Variants in CDK12 observed in about 807,000 individuals in gnomAD.
CDK12 encodes cyclin-dependent kinase 12.
CDK12 carries 17 observed loss-of-function variants against 133.8 expected under a neutral mutation model. The ratio of observed to expected loss-of-function variants is 0.13; its 90% CI spans 0.09 to 0.19. The LOEUF is 0.19. Among genes scored for constraint, CDK12 ranks in the 10% least tolerant of loss-of-function variants. The probability of loss-of-function intolerance (pLI) is 1.00; values close to 1 mark genes in which losing one functional copy is unlikely to be tolerated. For missense variants in CDK12, 1,508 were observed against 1,818.7 expected, an observed-to-expected ratio of 0.83 and a Z score of 3.11; for synonymous variants, 694 against 683.6, an observed-to-expected ratio of 1.02 and a Z score of -0.24.
chr17:39,515,379 GTTTA>G (rs879825285), intron 8 of CDK12, among the ~76,000 whole-genome samples: 28 of 152,236 alleles, frequency 1.8e-4, no homozygotes, highest in Admixed American at 9.8e-4. Flanking sequence ...GAGCATCCTT[GTTTA>G]TTTATTTTTT....
At chr17:39,509,788 G>A in intron 7 of CDK12, 27 bp downstream of exon 7, 1 of 1,543,386 alleles carries the variant, frequency 6.5e-7, no homozygotes, top group Non-Finnish European at 9.0e-7. Context: ...AATTACATGT[G>A]GGAAATAAGG....
At chr17:39,552,250 A>G (rs1187060784) in intron 2 of CDK12, among the ~76,000 whole-genome samples, 2 of 152,170 alleles carry the variant, frequency 1.3e-5, no homozygotes, top group African/African-American at 2.4e-5. Flanking sequence ...GCCTACTTCT[A>G]AGGGCCCCAG....
At chr17:39,492,993 G>A in intron 4 of CDK12, 103 bp downstream of exon 4, 1 of 958,744 alleles carries the variant, frequency 1.0e-6, no homozygotes, top group Non-Finnish European at 1.5e-6. Flanking sequence ...TGTTTTGTTT[G>A]TTTGTTTGTT....
chr17:39,539,026 CAG>C (rs1685991614), downstream of CDK12, among the ~76,000 whole-genome samples: 1 of 152,148 alleles, frequency 6.6e-6, no homozygotes, highest in Non-Finnish European at 1.5e-5. Flanking sequence ...TCTAACCACA[CAG>C]GGCTAAACTA....
At chr17:39,481,171 T>C (rs1248248499) in intron 2 of CDK12, among the ~76,000 whole-genome samples, 1 of 150,376 alleles carries the variant, frequency 6.6e-6, no homozygotes, top group East Asian at 2.0e-4. Context: ...GAGAATCCCT[T>C]GAACTCGGGG....
At chr17:39,484,892 C>A (rs576848294) in intron 2 of CDK12, among the ~76,000 whole-genome samples, 2 of 152,026 alleles carry the variant, frequency 1.3e-5, no homozygotes, top group Admixed American at 1.3e-4. Context: ...ACACTCAGGC[C>A]GGGTGCGGTG....
At chr17:39,496,877 C>T (rs2052157617) in intron 5 of CDK12, among the ~76,000 whole-genome samples, 1 of 146,346 alleles carries the variant, frequency 6.8e-6, no homozygotes, top group Non-Finnish European at 1.5e-5. Context: ...CAGTGGGTGT[C>T]CATCTCAGTG....
At chr17:39,526,386 T>A in intron 13 of CDK12, 70 bp downstream of exon 13, 1 of 1,202,874 alleles carries the variant, frequency 8.3e-7, no homozygotes, top group South Asian at 1.5e-5. Flanking sequence ...TCTCTTAACA[T>A]TTTTTTTCCC....
At chr17:39,539,720 TA>T (rs1433933444) in intron 1 of CDK12, among the ~76,000 whole-genome samples, 1 of 152,104 alleles carries the variant, frequency 6.6e-6, no homozygotes, top group Non-Finnish European at 1.5e-5. Context: ...GGTTGTAATA[TA>T]AAACTATTAT....
At chr17:39,484,232 T>A (rs1395792777) in intron 2 of CDK12, among the ~76,000 whole-genome samples, 1 of 152,216 alleles carries the variant, frequency 6.6e-6, no homozygotes, top group Non-Finnish European at 1.5e-5. Flanking sequence ...ACTATTCATA[T>A]TCTAAAAGTT....
chr17:39,494,567 A>T lies in CDK12; in HGVS notation c.2292A>T (p.Lys764Asn). The T allele has an allele frequency of 6.2e-7, 1 of 1,614,104 alleles. No homozygotes were observed. The highest frequency in any genetic ancestry group is 8.5e-7 in the Non-Finnish European group (1 of 1,179,958). ...AGAAGGTGAGACTAGACAATGAGAAAGAGGGCTTCCCAATCACAGCCATTC... is the reference window on the plus strand; with the variant it reads ...AGAAGGTGAGACTAGACAATGAGAATGAGGGCTTCCCAATCACAGCCATTC... Reference protein sequence around the residue: ...ALKKVRLDNEKEGFPITAIRE... With the variant: ...ALKKVRLDNENEGFPITAIRE... The change falls in exon 5 of 14, where the codon AAA (lysine) becomes AAT (asparagine). Residue 764 changes from lysine (K) to asparagine (N), a missense_variant. Physicochemically the swap from Lys to Asn is moderately conservative, Grantham distance 94 (BLOSUM62 0). Transcript: ENST00000447079.
At chr17:39,517,940 CCTG>C (rs1327377150) in intron 10 of CDK12, among the ~76,000 whole-genome samples, 1 of 151,076 alleles carries the variant, frequency 6.6e-6, no homozygotes, top group African/African-American at 2.4e-5. Flanking sequence ...GCAGCCTTGA[CCTG>C]CTGGGCTCAA....
downstream of CDK12, among the ~76,000 whole-genome samples, chr17:39,535,357 A>G (rs1313172316): frequency 6.6e-6 from 1 of 152,216 alleles, no homozygotes; most frequent in African/African-American, 2.4e-5. Context: ...GTTGAGTTCA[A>G]AAACTGGTGA....
At chr17:39,498,927 C>CTTTTTTTTTTTT (rs1417249813) in intron 5 of CDK12, among the ~76,000 whole-genome samples, 2 of 426 alleles carry the variant, frequency 4.7e-3, no homozygotes, top group African/African-American at 0.011. Context: ...TTCTTTCTTT[C>CTTTTTTTTTTTT]TTTCTTTCTT....
rs745427057 is a variant in CDK12 at position 39,501,244 on chromosome 17, A to G, written c.2420-6A>G. 1.3e-6 allele frequency: 2 copies of G among 1,483,070 alleles called. No individual in the cohort carries two copies. Among genetic ancestry groups the G allele is most frequent in the Non-Finnish European group, 1.8e-6 (2 of 1,117,948 alleles). The allele number at this position is 1,483,070 out of a possible 1,614,324, so 91.9% of individuals were successfully genotyped here. A position where few individuals can be genotyped will look rare whatever the true frequency, so the allele number is the denominator to read the frequency against. On this transcript the variant is annotated splice_polypyrimidine_tract_variant and splice_region_variant and intron_variant, in intron 5 of 13. Transcript: ENST00000447079. The stretch of plus-strand genomic sequence containing the variant: ...TTGCTTTTAATTTTTTTTCGTCTTT[A>G]TGTAGGTGCCTTTTACCTTGTATTT...
intron 2 of CDK12, among the ~76,000 whole-genome samples, chr17:39,488,378 C>A (rs934945517): frequency 4.6e-5 from 7 of 152,066 alleles, no homozygotes; most frequent in African/African-American, 1.4e-4. Flanking sequence ...GAAATAGTTG[C>A]TTGGACCCTT....
At chr17:39,494,844 A>G in intron 5 of CDK12, 150 bp downstream of exon 5, 1 of 604,210 alleles carries the variant, frequency 1.7e-6, no homozygotes, top group Non-Finnish European at 2.8e-6. Context: ...ATTTCAGGTC[A>G]CTGCAAGCTC....
At chr17:39,515,652 A>T in intron 8 of CDK12, 79 bp from the exon 9 acceptor site, 1 of 856,674 alleles carries the variant, frequency 1.2e-6, no homozygotes, top group Non-Finnish European at 1.9e-6. Context: ...CGACATATCA[A>T]TAATGTAAAA....
chr17:39,531,088 G>A lies in CDK12; in HGVS notation c.4245G>A (p.Val1415=). 1.3e-6 allele frequency: 2 copies of A among 1,596,548 alleles called. No individual in the cohort carries two copies. The highest frequency in any genetic ancestry group is 1.7e-4 in the Middle Eastern group (1 of 5,932). Residue 1415 remains valine, a synonymous_variant, in exon 14 of 14, where the codon GTG becomes GTA. Coordinates refer to ENST00000447079, the MANE Select transcript of CDK12 (RefSeq NM_016507.4). ...FARVPLALHP[V]VGQPFLKAEG... is the part of the protein sequence containing the mutation. The stretch of plus-strand genomic sequence containing the variant: ...GGGTCCCCTTAGCGTTACACCCGGT[G>A]GTCGGGCAACCATTCCTGAAGGCTG...
Sources: gnomAD v4.1 joint callset for allele counts (sites outside exome capture counted in the v4.1 genomes callset) on GRCh38, gnomAD v4.1.1 for gene constraint, MANE v1.5 for transcripts, NCBI Gene and HGNC (gene_info 2026-07-23, HGNC 2026-07-21) for gene names.